The following PCLO variants were observed in gnomAD, a reference collection of about 807,000 sequenced individuals.
PCLO encodes protein piccolo.
PCLO carries 82 observed loss-of-function variants against 427.5 expected under a neutral mutation model. The ratio of observed to expected loss-of-function variants is 0.19; its 90% CI spans 0.16 to 0.23. The LOEUF (loss-of-function observed/expected upper bound fraction) is 0.23. PCLO is among the 10% of genes least tolerant of loss of function. The pLI, the probability that PCLO is intolerant of heterozygous loss-of-function variation, is 1.00. For synonymous variants in PCLO, 2,357 were observed against 2,155.4 expected, an observed-to-expected ratio of 1.09 and a Z score of -2.59; for missense variants, 6,239 against 6,115.9, an observed-to-expected ratio of 1.02 and a Z score of -0.67.
intron 3 of PCLO, among the ~76,000 whole-genome samples, chr7:83,075,945 C>T (rs1022708544): frequency 6.6e-6 from 1 of 151,828 alleles, no homozygotes; most frequent in Non-Finnish European, 1.5e-5. Flanking sequence ...AAGAATTTTA[C>T]ACAGGAAAAC....
intron 4 of PCLO, among the ~76,000 whole-genome samples, chr7:82,957,418 A>C (rs1162529678): frequency 6.6e-6 from 1 of 151,992 alleles, no homozygotes; most frequent in Non-Finnish European, 1.5e-5. Flanking sequence ...TTACTAAACA[A>C]AAAAAAAGCA....
At chr7:83,099,391 G>GTT (rs11363474) in intron 3 of PCLO, among the ~76,000 whole-genome samples, 27 of 143,840 alleles carry the variant, frequency 1.9e-4, no homozygotes, top group African/African-American at 5.6e-4. Context: ...AGATTTTTTT[G>GTT]TTTTTTTTTT....
intron 2 of PCLO, among the ~76,000 whole-genome samples, chr7:83,151,037 C>T (rs1270646875): frequency 6.6e-6 from 1 of 152,120 alleles, no homozygotes; most frequent in South Asian, 2.1e-4. Context: ...AACCTTATCT[C>T]CTGTAACAGA....
At chr7:82,868,835 C>A (rs144119044) in intron 10 of PCLO, among the ~76,000 whole-genome samples, 4 of 152,186 alleles carry the variant, frequency 2.6e-5, no homozygotes, top group South Asian at 4.2e-4. Context: ...CAAAAATTTT[C>A]TAAATTTATC....
chr7:83,101,059 T>C (rs1270999480), intron 3 of PCLO, among the ~76,000 whole-genome samples: 1 of 152,016 alleles, frequency 6.6e-6, no homozygotes, highest in Admixed American at 6.6e-5. Flanking sequence ...TATTTATAGT[T>C]ACCTTTCAAG....
chr7:82,813,175 T>G (rs1309154726), intron 20 of PCLO, among the ~76,000 whole-genome samples: 3 of 151,702 alleles, frequency 2.0e-5, no homozygotes, highest in Non-Finnish European at 4.4e-5. Flanking sequence ...ATTTGGTCAA[T>G]GGCCACGAAG....
chr7:83,063,422 A>G (rs1346430433), intron 3 of PCLO, among the ~76,000 whole-genome samples: 1 of 152,098 alleles, frequency 6.6e-6, no homozygotes, highest in African/African-American at 2.4e-5. Flanking sequence ...ATATGCATTC[A>G]ATAGAAGCCA....
chr7:83,081,207 A>AC (rs2116397958), intron 3 of PCLO, among the ~76,000 whole-genome samples: 1 of 152,154 alleles, frequency 6.6e-6, no homozygotes, highest in East Asian at 1.9e-4. Flanking sequence ...CAACATACAC[A>AC]CATACAAACA....
chr7:83,006,375 T>C (rs902930600), intron 3 of PCLO, among the ~76,000 whole-genome samples: 2 of 151,580 alleles, frequency 1.3e-5, no homozygotes, highest in Admixed American at 6.6e-5. Flanking sequence ...AGTTAATAGA[T>C]AGTTTTATGG....
At chr7:82,818,169 A>T (rs1016261939) in intron 20 of PCLO, among the ~76,000 whole-genome samples, 1 of 152,122 alleles carries the variant, frequency 6.6e-6, no homozygotes, top group African/African-American at 2.4e-5. Flanking sequence ...GTTTTTGCAC[A>T]ATCTGTCTAA....
intron 11 of PCLO, among the ~76,000 whole-genome samples, chr7:82,846,886 C>T (rs1792516719): frequency 6.6e-6 from 1 of 152,062 alleles, no homozygotes. Flanking sequence ...AAATACATAT[C>T]CATGAAATCT....
At chr7:83,136,851 T>C (rs1019472070) in intron 2 of PCLO, among the ~76,000 whole-genome samples, 5 of 152,304 alleles carry the variant, frequency 3.3e-5, no homozygotes, top group Middle Eastern at 3.4e-3. Flanking sequence ...AAAGATGTTG[T>C]GTTTGATACC....
At chr7:83,148,912 G>A (rs1792061961) in intron 2 of PCLO, among the ~76,000 whole-genome samples, 1 of 152,106 alleles carries the variant, frequency 6.6e-6, no homozygotes, top group Non-Finnish European at 1.5e-5. Context: ...GATGGCAGGG[G>A]GTCAGTATCC....
At chr7:82,770,059 A>G (rs1195262167) in intron 22 of PCLO, among the ~76,000 whole-genome samples, 1 of 152,084 alleles carries the variant, frequency 6.6e-6, no homozygotes, top group Non-Finnish European at 1.5e-5. Context: ...GTAGTGATGT[A>G]TATTCCCACA....
rs145046314 is a variant in PCLO at position 83,045,108 on chromosome 7, A to G, written c.3301-78621T>C. On this transcript the variant is annotated intron_variant, in intron 3 of 24. Transcript: ENST00000333891. ...GGCCCTGATTTTTCTCAAGCAAGGT[A>G]TATCTGATGCAATTCAATTTTAATG... Among the ~76,000 whole-genome samples, 10 of 152,246 alleles carry G rather than the reference A, an allele frequency of 6.6e-5. No individual in the cohort carries two copies. In the East Asian group the frequency reaches 1.9e-3, roughly 29 times the overall value.
intron 3 of PCLO, among the ~76,000 whole-genome samples, chr7:83,046,664 T>C (rs1028021384): frequency 2.0e-5 from 3 of 152,074 alleles, no homozygotes; most frequent in African/African-American, 7.2e-5. Context: ...CTTATTTTAT[T>C]CCTGTTTGTT....
chr7:82,884,665 G>A (rs1408797105), intron 9 of PCLO, among the ~76,000 whole-genome samples: 2 of 152,104 alleles, frequency 1.3e-5, no homozygotes, highest in East Asian at 3.9e-4. Flanking sequence ...GCAGTACTTA[G>A]GGTCCAAAAC....
rs1361673789 is a variant in PCLO, at chr7:83,067,363, G to T, written c.3300+66887C>A. 2.6e-5 allele frequency among the ~76,000 whole-genome samples: 4 copies of T among 152,188 alleles called. No individual in the cohort carries two copies. In the South Asian group the frequency reaches 8.3e-4, roughly 32 times the overall value. On this transcript the variant is annotated intron_variant, in intron 3 of 24. Transcript: ENST00000333891. ...CACTATTAATTTTATCCATATTTCA[G>T]AGACTTTCTCTGAAATATTTATTCA...
At chr7:83,145,747 T>C (rs1189933677) in intron 2 of PCLO, among the ~76,000 whole-genome samples, 2 of 152,208 alleles carry the variant, frequency 1.3e-5, no homozygotes, top group South Asian at 2.1e-4. Context: ...CTTCCACTTA[T>C]ACTGCCAAAT....
Sources: allele counts gnomAD v4.1 joint callset (sites outside exome capture counted in the v4.1 genomes callset), GRCh38; gene constraint gnomAD v4.1.1; transcripts MANE v1.5; gene names NCBI Gene and HGNC (gene_info 2026-07-23, HGNC 2026-07-21).